Variants in GLCCI1 observed in about 807,000 individuals in gnomAD.
The protein encoded by GLCCI1 is glucocorticoid induced 1.
A neutral mutation model predicts 52.2 loss-of-function variants in GLCCI1; 24 were observed. The observed-to-expected ratio is 0.46, with a 90% CI of 0.33 to 0.65. The LOEUF is 0.65. GLCCI1 is among the 30% of genes least tolerant of loss of function. The pLI is 0.02. For synonymous variants in GLCCI1, 310 were observed against 276.5 expected, an observed-to-expected ratio of 1.12 and a Z score of -1.20; for missense variants, 704 against 701.5, an observed-to-expected ratio of 1.00 and a Z score of -0.04.
intron 5 of GLCCI1, among the ~76,000 whole-genome samples, chr7:8,061,626 A>G (rs1187233802): frequency 6.8e-6 from 1 of 148,062 alleles, no homozygotes; most frequent in Non-Finnish European, 1.5e-5. Context: ...AACTCTTTGG[A>G]CATCATGGCA....
rs190104286 is a variant in GLCCI1, at chr7:8,073,160, T to A, written c.1177+2029T>A. Reference sequence around the variant, plus strand: ...AGCACTGGCTTTGGGACCATAGGAATGCATTTGAATCCTGGGAAGTTTTGG... The same window carrying A: ...AGCACTGGCTTTGGGACCATAGGAAAGCATTTGAATCCTGGGAAGTTTTGG... On this transcript the variant is annotated intron_variant, in intron 6 of 7. Coordinates refer to ENST00000223145, the MANE Select transcript of GLCCI1 (RefSeq NM_138426.4). Among the ~76,000 whole-genome samples, 31 of 152,288 alleles carry A rather than the reference T, an allele frequency of 2.0e-4. No individual in the cohort carries two copies. The East Asian group carries it at 6.0e-3, about 29-fold the overall frequency.
intron 2 of GLCCI1, among the ~76,000 whole-genome samples, chr7:8,005,298 T>A (rs879882807): frequency 5.3e-5 from 8 of 152,004 alleles, no homozygotes; most frequent in Non-Finnish European, 8.8e-5. Context: ...AATGTACTTA[T>A]AGAGTATGAA....
intron 6 of GLCCI1, among the ~76,000 whole-genome samples, chr7:8,081,011 A>G (rs1188513975): frequency 6.6e-6 from 1 of 152,004 alleles, no homozygotes; most frequent in East Asian, 1.9e-4. Flanking sequence ...TTTCACAGCT[A>G]TCATGTCAGT....
In GLCCI1 at chr7:7,969,836, G is replaced by T; in HGVS notation, c.457+29G>T. On this transcript the variant is annotated intron_variant, in intron 1 of 7. Coordinates refer to ENST00000223145, the MANE Select transcript of GLCCI1 (RefSeq NM_138426.4). The surrounding 1 kb of genome is among the most constrained non-coding windows in gnomAD (Gnocchi z 4.9). ...GCGAGCCCAACCCTCCCGTCCTCCC[G>T]GGCTGCGTCTCCCCGACGGTGCCCT... 7.2e-7 allele frequency: 1 copy of T among 1,396,602 alleles called. No individual in the cohort carries two copies. The highest frequency in any genetic ancestry group is 9.3e-7 in the Non-Finnish European group (1 of 1,070,696). The allele number at this position is 1,396,602 out of a possible 1,614,324, so 86.5% of individuals were successfully genotyped here.
chr7:8,026,828 C>G (rs1354535222), intron 3 of GLCCI1, among the ~76,000 whole-genome samples: 2 of 152,168 alleles, frequency 1.3e-5, no homozygotes, highest in African/African-American at 4.8e-5. Flanking sequence ...ACAGACACCC[C>G]CTGTTTGCTG....
At chr7:8,038,965 AT>A (rs1231605770) in intron 3 of GLCCI1, among the ~76,000 whole-genome samples, 2 of 152,234 alleles carry the variant, frequency 1.3e-5, no homozygotes, top group East Asian at 3.8e-4. Context: ...ATGAACAAAC[AT>A]TTTTCAAAAG....
At chr7:8,005,317 G>T (rs1324741782) in intron 2 of GLCCI1, among the ~76,000 whole-genome samples, 1 of 151,888 alleles carries the variant, frequency 6.6e-6, no homozygotes. Flanking sequence ...AAAGAAGAAG[G>T]TCAAGTGATG....
intron 3 of GLCCI1, among the ~76,000 whole-genome samples, chr7:8,034,049 T>A (rs1781813393): frequency 1.3e-5 from 2 of 152,098 alleles, no homozygotes; most frequent in African/African-American, 4.8e-5. Context: ...TTGGCACACA[T>A]AAAGATTTAT....
intron 1 of GLCCI1, chr7:7,981,538 G>A (rs1780620756): frequency 5.2e-6 from 1 of 191,922 alleles, no homozygotes; most frequent in African/African-American, 2.4e-5. Context: ...GGCCAGGCTG[G>A]TCTCGAATTC....
chr7:7,985,901 A>C (rs556449961), intron 1 of GLCCI1, among the ~76,000 whole-genome samples: 1 of 152,340 alleles, frequency 6.6e-6, no homozygotes, highest in East Asian at 1.9e-4. Context: ...TTTAAATTCA[A>C]ACTTGAAACA....
At position 8,086,980 on chromosome 7, in the gene GLCCI1, CA is replaced by C. The variant is rs58639900; in HGVS notation, c.*461del. On this transcript the variant is annotated 3_prime_UTR_variant, in exon 8 of 8. Coordinates refer to ENST00000223145, the MANE Select transcript of GLCCI1 (RefSeq NM_138426.4). This position sits in a 1 kb window ranked among gnomAD's most constrained non-coding sequence, Gnocchi z 4.4. ...TCTAACTTCTGTAATACATACAATG[CA>C]AAAAAAAAAAAAAAAAAATGGCCAC... 9,533 of 118,676 alleles carry C rather than the reference CA, an allele frequency of 0.08. 494 individuals are homozygous for C. Among genetic ancestry groups the C allele is most frequent in the African/African-American group, 0.19 (6,078 of 32,510 alleles). The allele number at this position is 118,676 out of a possible 1,614,324, so 7.4% of individuals were successfully genotyped here.
intron 3 of GLCCI1, among the ~76,000 whole-genome samples, chr7:8,029,110 T>C (rs930441821): frequency 3.3e-5 from 5 of 152,142 alleles, no homozygotes; most frequent in African/African-American, 1.2e-4. Flanking sequence ...ACAAGACTAG[T>C]ATTACCCTGC....
chr7:7,990,692 T>G (rs1210175691), intron 1 of GLCCI1, among the ~76,000 whole-genome samples: 2 of 152,132 alleles, frequency 1.3e-5, no homozygotes, highest in Non-Finnish European at 2.9e-5. Flanking sequence ...CAGGATATTT[T>G]CTGCTGCTTT....
intron 3 of GLCCI1, among the ~76,000 whole-genome samples, chr7:8,029,583 GAAAT>G (rs1351771847): frequency 6.6e-6 from 1 of 152,072 alleles, no homozygotes; most frequent in African/African-American, 2.4e-5. Context: ...AAAAGAGAAA[GAAAT>G]AAAGGGTATT....
At chr7:7,994,812 A>T (rs1382168561) in intron 1 of GLCCI1, among the ~76,000 whole-genome samples, 3 of 152,212 alleles carry the variant, frequency 2.0e-5, no homozygotes, top group Non-Finnish European at 4.4e-5. Flanking sequence ...ATATTGACTT[A>T]TTACTCTATT....
intron 1 of GLCCI1, among the ~76,000 whole-genome samples, chr7:7,984,568 C>G (rs567941283): frequency 5.3e-5 from 8 of 152,300 alleles, no homozygotes; most frequent in South Asian, 4.1e-4. Flanking sequence ...GTTATTTGCT[C>G]TACGCAATAT....
At chr7:8,013,424 A>G (rs1002249229) in intron 2 of GLCCI1, among the ~76,000 whole-genome samples, 9 of 152,180 alleles carry the variant, frequency 5.9e-5, no homozygotes, top group African/African-American at 2.2e-4. Flanking sequence ...TCTCTATGCT[A>G]TACTATATAC....
chr7:8,021,638 G>C (rs1404990527), intron 2 of GLCCI1, among the ~76,000 whole-genome samples: 1 of 152,096 alleles, frequency 6.6e-6, no homozygotes, highest in Admixed American at 6.5e-5. Flanking sequence ...CCTGACCTCA[G>C]GTGATCCACC....
intron 5 of GLCCI1, among the ~76,000 whole-genome samples, chr7:8,061,879 C>G (rs1349603922): frequency 6.6e-6 from 1 of 151,682 alleles, no homozygotes; most frequent in Non-Finnish European, 1.5e-5. Context: ...GTTGACCAGG[C>G]TGGTCTCGAA....
Sources: allele counts gnomAD v4.1 joint callset (sites outside exome capture counted in the v4.1 genomes callset), GRCh38; gene constraint gnomAD v4.1.1; non-coding constraint Gnocchi (gnomAD v3.1); transcripts MANE v1.5; gene names NCBI Gene and HGNC (gene_info 2026-07-23, HGNC 2026-07-21).